PLD1: variants seen among roughly 807,000 people sequenced by gnomAD.
PLD1 encodes choline phosphatase 1.
Under a neutral mutation model 137.1 loss-of-function variants are expected in PLD1, and 112 were observed. The ratio of observed to expected loss-of-function variants is 0.82; its 90% CI spans 0.70 to 0.96. The LOEUF is 0.96. PLD1 is among the 40% of genes least tolerant of loss of function. The pLI is 0.00. For synonymous variants in PLD1, 431 were observed against 454.7 expected (o/e 0.95, Z 0.66); for missense variants, 1,321 against 1,342.0 (o/e 0.98, Z 0.24).
At chr3:171,607,319 T>C (rs759889994) in intron 25 of PLD1, among the ~76,000 whole-genome samples, 6 of 152,194 alleles carry the variant, frequency 3.9e-5, no homozygotes, top group African/African-American at 1.2e-4. Context: ...TCAATTATTA[T>C]AATACCTTTG....
intron 11 of PLD1, 53 bp from the exon 12 acceptor site, chr3:171,699,879 G>A (rs959932149): frequency 1.4e-6 from 2 of 1,439,404 alleles, no homozygotes; most frequent in African/African-American, 2.8e-5. Context: ...ATAAAGTTCT[G>A]ATTGTGTCAT....
At chr3:171,696,390 A>G (rs1054250709) in intron 12 of PLD1, among the ~76,000 whole-genome samples, 1 of 152,180 alleles carries the variant, frequency 6.6e-6, no homozygotes, top group Non-Finnish European at 1.5e-5. Flanking sequence ...AAGAAATAGG[A>G]GAAGTTCAAC....
intron 20 of PLD1, 75 bp from the exon 21 acceptor site, chr3:171,659,376 T>C: frequency 1.1e-6 from 1 of 950,664 alleles, no homozygotes; most frequent in Admixed American, 1.8e-5. Flanking sequence ...TACTGTAATA[T>C]ATTTTTTAAA....
intron 1 of PLD1, among the ~76,000 whole-genome samples, chr3:171,806,142 A>C (rs964323877): frequency 3.3e-5 from 5 of 152,216 alleles, no homozygotes; most frequent in Non-Finnish European, 7.3e-5. Flanking sequence ...AGTGCAAGGC[A>C]CAAAGTAAAC....
At chr3:171,713,867 C>G in intron 9 of PLD1, 26 bp downstream of exon 9, 3 of 1,579,562 alleles carry the variant, frequency 1.9e-6, no homozygotes, top group Non-Finnish European at 2.6e-6. Context: ...TTGTAGAAAT[C>G]TTTTTTAAAT....
intron 21 of PLD1, among the ~76,000 whole-genome samples, chr3:171,646,077 G>T (rs193333): frequency 6.6e-6 from 1 of 152,028 alleles, no homozygotes; most frequent in Non-Finnish European, 1.5e-5. Flanking sequence ...CGGGCATTCA[G>T]AAAATCAGAA....
At chr3:171,711,434 G>T (rs1717220440) in intron 9 of PLD1, among the ~76,000 whole-genome samples, 1 of 152,054 alleles carries the variant, frequency 6.6e-6, no homozygotes, top group African/African-American at 2.4e-5. Flanking sequence ...CTCCCAAAGT[G>T]CTGGGATTAT....
intron 1 of PLD1, among the ~76,000 whole-genome samples, chr3:171,754,675 A>C (rs1268845188): frequency 1.3e-5 from 2 of 152,256 alleles, no homozygotes; most frequent in Non-Finnish European, 2.9e-5. Flanking sequence ...AAGTAAAGCT[A>C]GAAAAGGAAA....
At chr3:171,672,817 G>A (rs888953759) in intron 19 of PLD1, among the ~76,000 whole-genome samples, 9 of 152,102 alleles carry the variant, frequency 5.9e-5, no homozygotes, top group Admixed American at 1.3e-4. Context: ...TCAGTGATGC[G>A]GAAAAAGCGA....
chr3:171,655,988 G>A lies in PLD1; in HGVS notation c.2429+3225C>T, dbSNP rs1737156212. ...AAACTTGAAATTGCCAGTCTTTAATGTGCTCTGTCAAACTCCAAGTGTAAG... is the reference window on the plus strand; with the variant it reads ...AAACTTGAAATTGCCAGTCTTTAATATGCTCTGTCAAACTCCAAGTGTAAG... On this transcript the variant is annotated intron_variant, in intron 21 of 26. Transcript: ENST00000351298. Among the ~76,000 whole-genome samples, 2 of 151,998 alleles carry A rather than the reference G, an allele frequency of 1.3e-5. 1 individual carries two copies. The highest frequency in any genetic ancestry group is 4.8e-5 in the African/African-American group (2 of 41,388).
At chr3:171,670,700 C>A (rs535137865) in intron 19 of PLD1, among the ~76,000 whole-genome samples, 1 of 152,164 alleles carries the variant, frequency 6.6e-6, no homozygotes, top group Non-Finnish European at 1.5e-5. Context: ...TTTATCACTG[C>A]CATGTGGCTA....
intron 11 of PLD1, among the ~76,000 whole-genome samples, 200 bp from the exon 12 acceptor site, chr3:171,700,026 T>C (rs1578308509): frequency 6.7e-6 from 1 of 149,440 alleles, no homozygotes; most frequent in South Asian, 2.1e-4. Flanking sequence ...AACATCAATC[T>C]TAGTTCTTTC....
intron 21 of PLD1, among the ~76,000 whole-genome samples, chr3:171,651,323 GGTGTGTGTGTGTGTGT>G (rs3050440): frequency 6.7e-6 from 1 of 150,286 alleles, no homozygotes; most frequent in African/African-American, 2.4e-5. Flanking sequence ...TAGGGCTTAG[GGTGTGTGTGTGTGTGT>G]GTGTGTGTGT....
intron 1 of PLD1, among the ~76,000 whole-genome samples, chr3:171,744,397 G>C (rs1336424124): frequency 6.6e-6 from 1 of 152,180 alleles, no homozygotes; most frequent in Non-Finnish European, 1.5e-5. Flanking sequence ...AGTCCAGCTT[G>C]CTATTATGTC....
intron 1 of PLD1, among the ~76,000 whole-genome samples, chr3:171,767,055 C>T (rs1386936872): frequency 6.6e-6 from 1 of 152,170 alleles, no homozygotes; most frequent in African/African-American, 2.4e-5. Flanking sequence ...GCTTTGATTA[C>T]TAGCAGGAAG....
chr3:171,759,691 T>C (rs1234429504), intron 1 of PLD1, among the ~76,000 whole-genome samples: 1 of 152,248 alleles, frequency 6.6e-6, no homozygotes, highest in Non-Finnish European at 1.5e-5. Flanking sequence ...TGGCTTTGTG[T>C]TTATACACAT....
chr3:171,662,241 A>C (rs771797364), intron 19 of PLD1, 71 bp from the exon 20 acceptor site: 2 of 853,266 alleles, frequency 2.3e-6, no homozygotes, highest in Non-Finnish European at 3.9e-6. Flanking sequence ...AATACAATGA[A>C]GTCACTCCTT....
At chr3:171,662,731 T>C (rs1436552312) in intron 19 of PLD1, among the ~76,000 whole-genome samples, 2 of 152,224 alleles carry the variant, frequency 1.3e-5, no homozygotes, top group Non-Finnish European at 2.9e-5. Context: ...TTCTAAAAGG[T>C]AGGTCATTTG....
At chr3:171,661,898 G>A (rs1353161921) in intron 20 of PLD1, among the ~76,000 whole-genome samples, 162 bp downstream of exon 20, 3 of 152,166 alleles carry the variant, frequency 2.0e-5, no homozygotes, top group Non-Finnish European at 4.4e-5. Context: ...ATGCTTGGGA[G>A]GTCAAAATTC....
Sources: allele counts gnomAD v4.1 joint callset (sites outside exome capture counted in the v4.1 genomes callset), GRCh38; gene constraint gnomAD v4.1.1; transcripts MANE v1.5; gene names NCBI Gene and HGNC (gene_info 2026-07-23, HGNC 2026-07-21).